SFI1: variants seen among roughly 807,000 people sequenced by gnomAD.
SFI1 encodes the protein protein SFI1 homolog.
Under a neutral mutation model 207.5 loss-of-function variants are expected in SFI1, and 195 were observed. The observed-to-expected ratio is 0.94, with a 90% confidence interval of 0.84 to 1.06. The LOEUF (loss-of-function observed/expected upper bound fraction) is 1.06. Among genes scored for constraint, SFI1 ranks in the 50% least tolerant of loss-of-function variants. The pLI is 0.00. For missense variants in SFI1, 1,634 were observed against 1,588.0 expected (o/e 1.03, Z -0.49); for synonymous variants, 630 against 598.9 (o/e 1.05, Z -0.76).
intron 2 of SFI1, 75 bp downstream of exon 2, chr22:31,508,451 AAAATTAT>A: frequency 1.8e-6 from 2 of 1,127,914 alleles, no homozygotes; most frequent in Non-Finnish European, 2.6e-6. Flanking sequence ...TGTGTATGAA[AAAATTAT>A]AAATTATGAG....
chr22:31,583,992 C>T lies in SFI1; in HGVS notation c.1346+20C>T, dbSNP rs762540223. The T allele has an allele frequency of 2.5e-6, 4 of 1,595,980 alleles. No individual in the cohort carries two copies. The highest frequency in any genetic ancestry group is 2.6e-6 in the Non-Finnish European group (3 of 1,164,096). ...CTACAGGTAGGGACTCTGGTTTCAT[C>T]CCTGGCTCTCAGGGACTTTGTGCCT... On this transcript the variant is annotated intron_variant, in intron 13 of 32. Coordinates refer to ENST00000400288, the MANE Select transcript of SFI1 (RefSeq NM_001007467.3).
chr22:31,613,900 A>G (rs771004793), intron 27 of SFI1, 45 bp downstream of exon 27: 3 of 1,540,470 alleles, frequency 1.9e-6, no homozygotes, highest in East Asian at 4.5e-5. Flanking sequence ...ACCCTGGGCA[A>G]AAGGTTGGAT....
chr22:31,578,427 A>G lies in SFI1; in HGVS notation c.1130A>G (p.Glu377Gly). Residue 377 changes from glutamate to glycine, a missense_variant, in exon 11 of 33, where the codon GAA becomes GGA. By Grantham distance (98) the Glu-to-Gly change is moderately conservative (BLOSUM62 -2). Transcript: ENST00000400288. Reference protein sequence around the residue: ...AEEAAQFEMAEEHHRHSQLYF... With the variant: ...AEEAAQFEMAGEHHRHSQLYF... ...GAAGCTGCCCAGTTTGAGATGGCAG[A>G]AGAGCACCACAGGCACAGCCAGCTG... is the stretch of plus-strand genomic sequence containing the variant. The G allele has an allele frequency of 6.2e-7, 1 of 1,613,868 alleles. No individual in the cohort carries two copies. The highest frequency in any genetic ancestry group is 8.5e-7 in the Non-Finnish European group (1 of 1,179,814).
intron 29 of SFI1, chr22:31,616,514 G>A: frequency 2.2e-6 from 1 of 449,748 alleles, no homozygotes; most frequent in Non-Finnish European, 3.9e-6. Context: ...TGGTGACACG[G>A]GGTGCTCCCT....
intron 12 of SFI1, among the ~76,000 whole-genome samples, chr22:31,581,951 A>G (rs949427739): frequency 3.1e-4 from 47 of 151,840 alleles, no homozygotes; most frequent in African/African-American, 1.1e-3. Flanking sequence ...TGTAACGACA[A>G]TGTCATTATC....
chr22:31,588,047 A>C (rs1486389686), intron 14 of SFI1: 1 of 152,202 alleles, frequency 6.6e-6, no homozygotes, highest in Non-Finnish European at 1.5e-5. Context: ...ATAAGACAAC[A>C]ACCATTCTAT....
chr22:31,514,520 A>C (rs992867608), intron 2 of SFI1, among the ~76,000 whole-genome samples: 2 of 150,818 alleles, frequency 1.3e-5, no homozygotes, highest in Non-Finnish European at 3.0e-5. Flanking sequence ...AAAAAAAAAA[A>C]AAAAAAAAAA....
At position 31,618,232 on chromosome 22, in the gene SFI1, G is replaced by A. The variant is rs1259833209; in HGVS notation, c.3624+6G>A. 1 of 1,594,484 alleles carries A rather than the reference G, an allele frequency of 6.3e-7. No homozygotes were observed. Among genetic ancestry groups the A allele is most frequent in the African/African-American group, 1.3e-5 (1 of 74,766 alleles). On this transcript the variant is annotated splice_donor_region_variant and intron_variant, in intron 32 of 32. Coordinates refer to ENST00000400288, the MANE Select transcript of SFI1 (RefSeq NM_001007467.3). The stretch of plus-strand genomic sequence containing the variant: ...TGCAGAAAGAGCTGGAACAGGTGAG[G>A]CCCCAGGCCATCCCCAGGTGTCCCT...
chr22:31,568,163 ATATGTG>A (rs1290714566), intron 8 of SFI1, among the ~76,000 whole-genome samples: 3 of 115,738 alleles, frequency 2.6e-5, no homozygotes, highest in South Asian at 2.7e-4. Flanking sequence ...CTCTATATAT[ATATGTG>A]TGTGTGTGTG....
intron 4 of SFI1, among the ~76,000 whole-genome samples, chr22:31,534,902 C>A (rs557229399): frequency 4.1e-4 from 61 of 148,578 alleles, no homozygotes; most frequent in African/African-American, 1.4e-3. Context: ...GAGACCGCAT[C>A]TCACCCTGTT....
intron 15 of SFI1, among the ~76,000 whole-genome samples, chr22:31,599,276 G>C (rs2067715687): frequency 6.6e-6 from 1 of 151,894 alleles, no homozygotes; most frequent in African/African-American, 2.4e-5. Context: ...TAGGAGTCAA[G>C]GTTTATTTTT....
At chr22:31,570,621 C>T (rs970620044) in intron 8 of SFI1, among the ~76,000 whole-genome samples, 1 of 152,040 alleles carries the variant, frequency 6.6e-6, no homozygotes, top group Non-Finnish European at 1.5e-5. Context: ...CTAGAGTGAG[C>T]GGGGTGCGGT....
intron 12 of SFI1, among the ~76,000 whole-genome samples, chr22:31,581,004 T>C (rs1034337246): frequency 6.6e-6 from 1 of 152,144 alleles, no homozygotes; most frequent in Non-Finnish European, 1.5e-5. Flanking sequence ...AAATACTTTC[T>C]TTTTTTCTTT....
At chr22:31,602,531 C>A in intron 16 of SFI1, 76 bp from the exon 17 acceptor site, 2 of 1,529,020 alleles carry the variant, frequency 1.3e-6, no homozygotes, top group Non-Finnish European at 1.8e-6. Context: ...TATTTGTGGC[C>A]TGTAAATTCT....
At chr22:31,602,862 A>AGACAGGCACTTGGAGCTC in intron 17 of SFI1, 77 bp downstream of exon 17, 1 of 1,496,974 alleles carries the variant, frequency 6.7e-7, no homozygotes, top group Non-Finnish European at 9.1e-7. Context: ...CATGAGCTCC[A>AGACAGGCACTTGGAGCTC]AGTGCCTGTC....
chr22:31,535,034 C>G (rs1295717468), intron 4 of SFI1, among the ~76,000 whole-genome samples: 1 of 151,660 alleles, frequency 6.6e-6, no homozygotes, highest in Admixed American at 6.6e-5. Flanking sequence ...ACCCAGCTAA[C>G]TTTTTTATTT....
chr22:31,599,742 C>T lies in SFI1; in HGVS notation c.1545-2470C>T, dbSNP rs1366719151. On this transcript the variant is annotated intron_variant, in intron 15 of 32. Transcript: ENST00000400288. Reference sequence around the variant, plus strand: ...CCTCCTGCCATGGCCTCTCACTGTTCTGGGATTACAGGCGTGAGCCACCAT... The same window carrying T: ...CCTCCTGCCATGGCCTCTCACTGTTTTGGGATTACAGGCGTGAGCCACCAT... Among the ~76,000 whole-genome samples the T allele has an allele frequency of 1.5e-4, 23 of 152,142 alleles. 1 individual carries two copies. Among genetic ancestry groups the T allele is most frequent in the Admixed American group, 6.6e-5 (1 of 15,266 alleles).
intron 15 of SFI1, among the ~76,000 whole-genome samples, chr22:31,601,091 C>G (rs2068019372): frequency 6.8e-6 from 1 of 147,802 alleles, no homozygotes; most frequent in Non-Finnish European, 1.5e-5. Context: ...GCAGAGATGA[C>G]AAAACAGTGG....
At chr22:31,604,593 A>G in intron 19 of SFI1, 189 bp downstream of exon 19, 1 of 600,368 alleles carries the variant, frequency 1.7e-6, no homozygotes, top group South Asian at 2.2e-5. Context: ...GGCCAAGTGG[A>G]AACAAGTGCT....
Sources: allele counts gnomAD v4.1 joint callset (sites outside exome capture counted in the v4.1 genomes callset), GRCh38; gene constraint gnomAD v4.1.1; transcripts MANE v1.5; gene names NCBI Gene and HGNC (gene_info 2026-07-23, HGNC 2026-07-21).